KIF13A: variants seen among roughly 807,000 people sequenced by gnomAD.
KIF13A encodes the protein kinesin-like protein KIF13A.
A neutral mutation model predicts 212.2 loss-of-function variants in KIF13A; 79 were observed. The ratio of observed to expected loss-of-function variants is 0.37; its 90% confidence interval spans 0.31 to 0.45. The LOEUF is 0.45. Ranked by LOEUF, KIF13A falls within the 20% of genes least tolerant of loss-of-function variation. The probability of loss-of-function intolerance (pLI) is 1.00; values close to 1 mark genes in which losing one functional copy is unlikely to be tolerated. For synonymous variants in KIF13A, 789 were observed against 808.6 expected (o/e 0.98, Z 0.41); for missense variants, 1,901 against 2,209.0 (o/e 0.86, Z 2.79).
chr6:17,970,451 A>T (rs1390988667), intron 2 of KIF13A, among the ~76,000 whole-genome samples: 3 of 152,130 alleles, frequency 2.0e-5, no homozygotes, highest in Non-Finnish European at 4.4e-5. Flanking sequence ...AAAAATACAA[A>T]AATTATATAT....
chr6:17,788,424 C>G (rs1581924181), intron 26 of KIF13A, among the ~76,000 whole-genome samples: 1 of 152,168 alleles, frequency 6.6e-6, no homozygotes, highest in East Asian at 1.9e-4. Context: ...CCCATGCAAA[C>G]TCCAACATGC....
Position 17,898,731 on chromosome 6 carries a change from C to T in KIF13A, c.147-551G>A, listed in dbSNP as rs1772800763. On this transcript the variant is annotated intron_variant, in intron 2 of 38. Coordinates refer to ENST00000259711, the MANE Select transcript of KIF13A (RefSeq NM_022113.6). This position sits in a 1 kb window ranked among gnomAD's most constrained non-coding sequence, Gnocchi z 5.2. ...TAAAAGCAAGTTTCCATTTTTTCCC[C>T]ACCATCAGCCACACACGCACTTGTT... Among the ~76,000 whole-genome samples, 3 of 151,980 alleles carry T rather than the reference C, an allele frequency of 2.0e-5. No individual in the cohort carries two copies. The highest frequency in any genetic ancestry group is 1.3e-4 in the Admixed American group (2 of 15,272).
intron 2 of KIF13A, among the ~76,000 whole-genome samples, chr6:17,938,223 C>A (rs1776649581): frequency 6.6e-6 from 1 of 152,062 alleles, no homozygotes; most frequent in Admixed American, 6.6e-5. Flanking sequence ...GTGGCAATTG[C>A]TACATTTAAT....
intron 2 of KIF13A, among the ~76,000 whole-genome samples, chr6:17,943,139 T>C (rs904313893): frequency 6.6e-6 from 1 of 152,170 alleles, no homozygotes; most frequent in African/African-American, 2.4e-5. Context: ...CAAAGTACAT[T>C]TCCTTGAGAA....
chr6:17,953,806 G>C (rs1466665220), intron 2 of KIF13A: 1 of 179,648 alleles, frequency 5.6e-6, no homozygotes, highest in Non-Finnish European at 1.2e-5. Flanking sequence ...TAGGGGAATA[G>C]GTAGGCTTCT....
At chr6:17,939,531 A>G (rs1201536356) in intron 2 of KIF13A, among the ~76,000 whole-genome samples, 1 of 152,190 alleles carries the variant, frequency 6.6e-6, no homozygotes, top group African/African-American at 2.4e-5. Flanking sequence ...GCTGGGTAAA[A>G]TAAGGCTGAG....
intron 4 of KIF13A, among the ~76,000 whole-genome samples, chr6:17,859,620 T>TTATATATATATATATATATATATATATA (rs1355192834): frequency 7.6e-6 from 1 of 131,556 alleles, no homozygotes; most frequent in Non-Finnish European, 1.6e-5. Context: ...GCAATGTATT[T>TTATATATATATATATATATATATATATA]TATATATATA....
chr6:17,856,119 T>C lies in KIF13A; in HGVS notation c.224A>G (p.Gln75Arg). The C allele has an allele frequency of 6.2e-7, 1 of 1,607,200 alleles. No homozygotes were observed. The highest frequency in any genetic ancestry group is 8.5e-7 in the Non-Finnish European group (1 of 1,174,612). ...DESNTTKYAGQEVVFKCLGEG... is the reference protein window; with the variant it reads ...DESNTTKYAGREVVFKCLGEG... ...CCCAAGGCACTTGAAAACCACTTCT[T>C]GACCTAAAAAACAAGACAAATATTA... The change falls in exon 5 of 39, where the codon CAA becomes CGA. Residue 75 changes from glutamine to arginine, a missense_variant. Around this residue, in one of 5 missense-constraint regions of KIF13A, gnomAD observed 506 missense variants for 637.4 expected, o/e 0.79. Transcript: ENST00000259711. This position sits in a 1 kb window ranked among gnomAD's most constrained non-coding sequence, Gnocchi z 4.5.
At position 17,982,792 on chromosome 6, in the gene KIF13A, A is replaced by G. The variant is rs1781201324; in HGVS notation, c.146+4262T>C. On this transcript the variant is annotated intron_variant, in intron 2 of 38. Transcript: ENST00000259711. This position sits in a 1 kb window ranked among gnomAD's most constrained non-coding sequence, Gnocchi z 5.1. Reference sequence around the variant, plus strand: ...GTCACGGGGATCAGACCCGTAAGCCAACCACCTATATTTTAAAAACCACCA... The same window carrying G: ...GTCACGGGGATCAGACCCGTAAGCCGACCACCTATATTTTAAAAACCACCA... Among the ~76,000 whole-genome samples, 1 of 152,228 alleles carries G rather than the reference A, an allele frequency of 6.6e-6. No homozygotes were observed.
At chr6:17,823,863 A>G (rs1373744233) in intron 16 of KIF13A, among the ~76,000 whole-genome samples, 1 of 151,822 alleles carries the variant, frequency 6.6e-6, no homozygotes, top group African/African-American at 2.4e-5. Flanking sequence ...TCGGCCTCCC[A>G]AAGTGCTGGG....
At chr6:17,866,828 CAT>C (rs60217235) in intron 4 of KIF13A, among the ~76,000 whole-genome samples, 1,315 of 22,328 alleles carry the variant, frequency 0.059, 12 homozygotes, top group Middle Eastern at 0.12. Context: ...AAAAGCAGCG[CAT>C]ATATATATAT....
chr6:17,935,161 T>C (rs970151867), intron 2 of KIF13A, among the ~76,000 whole-genome samples: 3 of 152,232 alleles, frequency 2.0e-5, no homozygotes, highest in African/African-American at 7.2e-5. Flanking sequence ...ATGAGTGGGA[T>C]TGGAAATATT....
At chr6:17,911,717 T>G (rs115498799) in intron 2 of KIF13A, among the ~76,000 whole-genome samples, 2,152 of 150,156 alleles carry the variant, frequency 0.014, 54 homozygotes, top group African/African-American at 0.05. Context: ...AAAAAAGAAT[T>G]AATAAGACCT....
intron 16 of KIF13A, among the ~76,000 whole-genome samples, chr6:17,823,530 T>G (rs1183780636): frequency 6.6e-6 from 1 of 151,332 alleles, no homozygotes; most frequent in Non-Finnish European, 1.5e-5. Flanking sequence ...TGTAGTCGTG[T>G]GATCTTGGCT....
intron 6 of KIF13A, among the ~76,000 whole-genome samples, chr6:17,853,588 C>T (rs900116353): frequency 2.0e-5 from 3 of 152,048 alleles, no homozygotes; most frequent in African/African-American, 7.2e-5. Flanking sequence ...GCAGGAACCA[C>T]ACAAAAGACA....
At chr6:17,910,922 C>T (rs1773999979) in intron 2 of KIF13A, among the ~76,000 whole-genome samples, 1 of 152,120 alleles carries the variant, frequency 6.6e-6, no homozygotes, top group Non-Finnish European at 1.5e-5. Context: ...GCCACCATGC[C>T]CAGCTAATGT....
chr6:17,780,721 C>G lies in KIF13A; in HGVS notation c.3846+9G>C. On this transcript the variant is annotated intron_variant, in intron 31 of 38. Coordinates refer to ENST00000259711, the MANE Select transcript of KIF13A (RefSeq NM_022113.6). ...GAGCCAGAATGGCACAATCAGGCCCCGTTATTACCTGTTTGTTGTAAATAT... is the reference window on the plus strand; with the variant it reads ...GAGCCAGAATGGCACAATCAGGCCCGGTTATTACCTGTTTGTTGTAAATAT... The G allele has an allele frequency of 6.2e-7, 1 of 1,611,864 alleles. No individual in the cohort carries two copies. The highest frequency in any genetic ancestry group is 8.5e-7 in the Non-Finnish European group (1 of 1,178,374).
chr6:17,896,033 AC>A (rs1315713035), intron 3 of KIF13A, among the ~76,000 whole-genome samples: 54 of 152,144 alleles, frequency 3.5e-4, no homozygotes, highest in Middle Eastern at 3.4e-3. Context: ...TGGTTCTAGA[AC>A]CCCCATGTAT....
Position 17,915,937 on chromosome 6 carries a change from A to G in KIF13A, c.147-17757T>C, listed in dbSNP as rs989671248. 7.2e-6 allele frequency among the ~76,000 whole-genome samples: 1 copy of G among 138,178 alleles called. No homozygotes were observed. The highest frequency in any genetic ancestry group is 7.0e-5 in the Admixed American group (1 of 14,216). 90.7% of individuals were successfully genotyped at this position (138,178 alleles called of 152,430 possible). A position where few individuals can be genotyped will look rare whatever the true frequency, so the allele number is the denominator to read the frequency against. On this transcript the variant is annotated intron_variant, in intron 2 of 38. Transcript: ENST00000259711. The surrounding 1 kb of genome is among the most constrained non-coding windows in gnomAD (Gnocchi z 4.4). ...GCCTGGGTGACAGAGAGCCAGTCTC[A>G]AAAAAAAAAATAAAAATAAAAATAA... is the stretch of plus-strand genomic sequence containing the variant.
Sources: allele counts gnomAD v4.1 joint callset (sites outside exome capture counted in the v4.1 genomes callset), GRCh38; gene constraint gnomAD v4.1.1; regional missense constraint gnomAD v4.1.1; non-coding constraint Gnocchi (gnomAD v3.1); transcripts MANE v1.5; gene names NCBI Gene and HGNC (gene_info 2026-07-23, HGNC 2026-07-21).